Variants in PLXNA4 observed in about 807,000 individuals in gnomAD.
PLXNA4 encodes plexin-A4.
Under a neutral mutation model 191.8 loss-of-function variants are expected in PLXNA4, and 44 were observed. That is an observed-to-expected ratio of 0.23 (90% CI 0.18 to 0.29). PLXNA4 has a LOEUF of 0.29. PLXNA4 is among the 10% of genes least tolerant of loss of function. PLXNA4 has a pLI of 1.00. For synonymous variants in PLXNA4, 1,082 were observed against 1,009.5 expected, an observed-to-expected ratio of 1.07 and a Z score of -1.36; for missense variants, 1,800 against 2,488.8, an observed-to-expected ratio of 0.72 and a Z score of 5.89.
intron 1 of PLXNA4, among the ~76,000 whole-genome samples, chr7:132,533,957 A>ATTATTATTATTAT (rs1171347778): frequency 2.5e-4 from 38 of 152,064 alleles, no homozygotes; most frequent in African/African-American, 8.7e-4. Context: ...TACTATTATT[A>ATTATTATTATTAT]TGTTAACAAG....
At chr7:132,146,725 G>A (rs182867546) in intron 27 of PLXNA4, 25 bp from the exon 28 acceptor site, 84 of 1,612,180 alleles carry the variant, frequency 5.2e-5, no homozygotes, top group African/African-American at 2.0e-4. Flanking sequence ...ATCACCCCCC[G>A]ACATATGTGA....
chr7:132,592,594 G>A (rs890930046), intron 2 of PLXNA4, among the ~76,000 whole-genome samples: 3 of 150,824 alleles, frequency 2.0e-5, no homozygotes, highest in East Asian at 1.9e-4. Context: ...ACGATTTGAC[G>A]GGGTCCCCTT....
At chr7:132,574,462 C>T (rs1024591689) in intron 1 of PLXNA4, among the ~76,000 whole-genome samples, 3 of 152,226 alleles carry the variant, frequency 2.0e-5, no homozygotes, top group Admixed American at 1.3e-4. Flanking sequence ...TCTTCCACAG[C>T]CCGGAAGACA....
intron 3 of PLXNA4, among the ~76,000 whole-genome samples, chr7:132,342,172 T>C (rs1454398712): frequency 6.6e-6 from 1 of 150,906 alleles, no homozygotes; most frequent in East Asian, 1.9e-4. Flanking sequence ...AGAAAAAGCA[T>C]TTCCTGCTGT....
chr7:132,375,594 C>T (rs138375143), intron 3 of PLXNA4, among the ~76,000 whole-genome samples: 2 of 152,260 alleles, frequency 1.3e-5, no homozygotes, highest in East Asian at 3.9e-4. Flanking sequence ...TGATCCATGC[C>T]AACATGGACA....
intron 2 of PLXNA4, among the ~76,000 whole-genome samples, chr7:132,638,933 ATCTTT>A (rs1235520116): frequency 6.6e-6 from 1 of 152,128 alleles, no homozygotes; most frequent in Non-Finnish European, 1.5e-5. Flanking sequence ...AGGACATCTT[ATCTTT>A]TCAAGTCTCC....
At chr7:132,250,246 C>T (rs984341780) in intron 4 of PLXNA4, among the ~76,000 whole-genome samples, 1 of 152,176 alleles carries the variant, frequency 6.6e-6, no homozygotes, top group African/African-American at 2.4e-5. Flanking sequence ...GCCTCTGCCT[C>T]CGATAAAATG....
At chr7:132,556,720 T>G (rs767686052) in intron 1 of PLXNA4, among the ~76,000 whole-genome samples, 12 of 152,346 alleles carry the variant, frequency 7.9e-5, no homozygotes, top group Non-Finnish European at 1.2e-4. Context: ...GTCAAAGGGT[T>G]CCGTCCTTGG....
At chr7:132,632,478 C>T (rs2116880426) in intron 2 of PLXNA4, among the ~76,000 whole-genome samples, 1 of 152,240 alleles carries the variant, frequency 6.6e-6, no homozygotes, top group East Asian at 1.9e-4. Context: ...TGAGCAAATG[C>T]TGGAGCTGAG....
intron 4 of PLXNA4, among the ~76,000 whole-genome samples, chr7:132,272,684 C>T (rs974773616): frequency 1.3e-5 from 2 of 152,174 alleles, no homozygotes; most frequent in Non-Finnish European, 2.9e-5. Flanking sequence ...CTCATCTTAA[C>T]TTATGTCCCA....
In PLXNA4 at chr7:132,439,405, A is replaced by T. The variant is rs79073797; in HGVS notation, c.1371+49887T>A. On this transcript the variant is annotated intron_variant, in intron 3 of 31. Transcript: ENST00000321063. Reference sequence around the variant, plus strand: ...ATTTACTTGGTGATTCACATTGTACATACATGTATACACACAGGTACACAT... The same window carrying T: ...ATTTACTTGGTGATTCACATTGTACTTACATGTATACACACAGGTACACAT... Among the ~76,000 whole-genome samples the T allele has an allele frequency of 4.8e-3, 735 of 152,352 alleles. 8 individuals are homozygous for T. The highest frequency in any genetic ancestry group is 0.016 in the African/African-American group (650 of 41,568).
At chr7:132,428,616 A>G (rs1180575161) in intron 3 of PLXNA4, among the ~76,000 whole-genome samples, 1 of 151,934 alleles carries the variant, frequency 6.6e-6, no homozygotes, top group Non-Finnish European at 1.5e-5. Context: ...TGCTACTCAG[A>G]CACAGGAACC....
intron 1 of PLXNA4, among the ~76,000 whole-genome samples, chr7:132,646,349 CTT>C (rs1281597390): frequency 6.6e-6 from 1 of 152,172 alleles, no homozygotes; most frequent in Non-Finnish European, 1.5e-5. Flanking sequence ...TGGGAAGTCT[CTT>C]TTGTATTCCC....
At chr7:132,317,561 T>C (rs1801995401) in intron 3 of PLXNA4, among the ~76,000 whole-genome samples, 3 of 152,170 alleles carry the variant, frequency 2.0e-5, no homozygotes, top group Admixed American at 1.3e-4. Flanking sequence ...GGTTGTGTTA[T>C]GTTGAATTGG....
chr7:132,465,618 C>A (rs142066099), intron 3 of PLXNA4, among the ~76,000 whole-genome samples: 1 of 152,278 alleles, frequency 6.6e-6, no homozygotes, highest in African/African-American at 2.4e-5. Flanking sequence ...CACCTAAGTA[C>A]AAGGAATTTT....
In PLXNA4 at chr7:132,140,692, C is replaced by G. The variant is rs1335922474; in HGVS notation, c.5345G>C (p.Cys1782Ser). Residue 1782 changes from cysteine to serine, a missense_variant, in exon 30 of 32, where the codon TGC becomes TCC. Physicochemically the swap from Cys to Ser is moderately radical, Grantham distance 112. This residue lies in a region of PLXNA4 where 101 missense variants were observed against 182.8 expected (regional missense o/e 0.55). Coordinates refer to ENST00000321063, the MANE Select transcript of PLXNA4 (RefSeq NM_020911.2). ...SVVAQTFMDSCSTSEHRLGKD... is the reference protein window; with the variant it reads ...SVVAQTFMDSSSTSEHRLGKD... ...GCCCAGCCGGTGCTCTGACGTGGAG[C>G]AAGAGTCCATGAAGGTCTGAGCCAC... 6.2e-7 allele frequency: 1 copy of G among 1,614,066 alleles called. No individual in the cohort carries two copies.
intron 2 of PLXNA4, among the ~76,000 whole-genome samples, chr7:132,619,051 C>A (rs898534436): frequency 1.3e-5 from 2 of 152,100 alleles, no homozygotes; most frequent in Non-Finnish European, 2.9e-5. Context: ...GGTAACTAGA[C>A]AAGTTGTGGC....
At chr7:132,165,718 GA>G (rs3085196) in intron 22 of PLXNA4, among the ~76,000 whole-genome samples, 54 of 149,424 alleles carry the variant, frequency 3.6e-4, no homozygotes, top group East Asian at 3.9e-4. Context: ...TCTTTTGGGT[GA>G]AAAAAAAAAA....
At chr7:132,183,868 A>T (rs1244368573) in intron 16 of PLXNA4, among the ~76,000 whole-genome samples, 2 of 152,196 alleles carry the variant, frequency 1.3e-5, no homozygotes, top group African/African-American at 4.8e-5. Flanking sequence ...CTTTCTGTAA[A>T]GGGCCAGATA....
Sources: allele counts gnomAD v4.1 joint callset (sites outside exome capture counted in the v4.1 genomes callset), GRCh38; gene constraint gnomAD v4.1.1; regional missense constraint gnomAD v4.1.1; transcripts MANE v1.5; gene names NCBI Gene and HGNC (gene_info 2026-07-23, HGNC 2026-07-21).